The following SLC35F4 variants were observed in gnomAD, a reference collection of about 807,000 sequenced individuals.
SLC35F4 encodes chromosome 14 open reading frame 36.
SLC35F4 carries 24 observed loss-of-function variants against 44.2 expected under a neutral mutation model. The observed-to-expected ratio is 0.54, with a 90% CI of 0.39 to 0.76. SLC35F4 has a LOEUF of 0.76. SLC35F4 is among the 30% of genes least tolerant of loss of function. The pLI is 0.00. For synonymous variants in SLC35F4, 238 were observed against 223.6 expected, an observed-to-expected ratio of 1.06 and a Z score of -0.57; for missense variants, 562 against 586.1, an observed-to-expected ratio of 0.96 and a Z score of 0.42.
chr14:57,834,736 T>C (rs527519639), intron 1 of SLC35F4, among the ~76,000 whole-genome samples: 1 of 152,268 alleles, frequency 6.6e-6, no homozygotes, highest in African/African-American at 2.4e-5. Flanking sequence ...AGAACCAAAA[T>C]AGGCCGGGCA....
intron 1 of SLC35F4, among the ~76,000 whole-genome samples, chr14:57,760,790 T>G (rs193244520): frequency 6.6e-6 from 1 of 152,318 alleles, no homozygotes; most frequent in East Asian, 1.9e-4. Context: ...ATAAGCATTA[T>G]TTCCAGTACT....
intron 1 of SLC35F4, among the ~76,000 whole-genome samples, chr14:57,861,534 A>G (rs996874608): frequency 1.3e-5 from 2 of 152,220 alleles, no homozygotes; most frequent in African/African-American, 4.8e-5. Context: ...AAATCCTTGC[A>G]GAGTCATCTA....
At chr14:57,686,426 A>T (rs976078409) in intron 1 of SLC35F4, among the ~76,000 whole-genome samples, 1 of 152,250 alleles carries the variant, frequency 6.6e-6, no homozygotes, top group African/African-American at 2.4e-5. Context: ...CAAAAAATCA[A>T]ATTAGTGCAG....
intron 1 of SLC35F4, among the ~76,000 whole-genome samples, chr14:57,969,131 G>T (rs2070907186): frequency 1.3e-5 from 2 of 152,194 alleles, no homozygotes; most frequent in African/African-American, 4.8e-5. Flanking sequence ...TTACTGGGCT[G>T]GTTAGCAGCA....
intron 1 of SLC35F4, among the ~76,000 whole-genome samples, chr14:57,874,977 T>TAAATAAATAAAA (rs1888369431): frequency 6.6e-6 from 1 of 150,480 alleles, no homozygotes; most frequent in African/African-American, 2.5e-5. Context: ...GTGGAATAAA[T>TAAATAAATAAAA]AAATAAATAA....
At chr14:57,694,719 C>T (rs192416276) in intron 1 of SLC35F4, among the ~76,000 whole-genome samples, 91 of 152,110 alleles carry the variant, frequency 6.0e-4, no homozygotes, top group Admixed American at 1.4e-3. Flanking sequence ...TCTTGTCTCT[C>T]GATAATATTT....
Position 57,978,273 on chromosome 14 carries a change from C to G in SLC35F4, n.152-1316G>C, listed in dbSNP as rs906631034. On this transcript the variant is annotated intron_variant and non_coding_transcript_variant, in intron 1 of 1. Transcript: ENST00000554648. ...TCATCCCTTTCAGAGACAGGTCAACCACCTCATGGCATGGGACCACTTCTA... is the reference window on the plus strand; with the variant it reads ...TCATCCCTTTCAGAGACAGGTCAACGACCTCATGGCATGGGACCACTTCTA... Among the ~76,000 whole-genome samples the G allele has an allele frequency of 2.0e-5, 3 of 152,140 alleles. No homozygotes were observed. In the South Asian group the frequency reaches 6.2e-4, roughly 32 times the overall value.
intron 1 of SLC35F4, among the ~76,000 whole-genome samples, chr14:57,883,510 G>A (rs1374176148): frequency 6.6e-6 from 1 of 152,050 alleles, no homozygotes; most frequent in Non-Finnish European, 1.5e-5. Context: ...CTCTGGAATT[G>A]GGAAGGACTT....
chr14:57,706,050 C>A (rs1320947565), intron 1 of SLC35F4, among the ~76,000 whole-genome samples: 3 of 152,168 alleles, frequency 2.0e-5, no homozygotes, highest in Non-Finnish European at 4.4e-5. Context: ...TGCAATGAGT[C>A]TTTGTGCTTC....
At position 57,794,663 on chromosome 14, in the gene SLC35F4, T is replaced by C. The variant is rs1595081506; in HGVS notation, c.103+71060A>G. On this transcript the variant is annotated intron_variant, in intron 1 of 7. Transcript: ENST00000556826. ...CATTCTGTTCATTTTAATTCATGCT[T>C]TGGGTTTGAACTTCTTTTAGATTTC... Among the ~76,000 whole-genome samples, 3 of 152,220 alleles carry C rather than the reference T, an allele frequency of 2.0e-5. No individual in the cohort carries two copies. In the East Asian group the frequency reaches 5.8e-4, roughly 29 times the overall value.
At chr14:57,786,799 C>T (rs1339134408) in intron 1 of SLC35F4, among the ~76,000 whole-genome samples, 1 of 152,146 alleles carries the variant, frequency 6.6e-6, no homozygotes, top group Non-Finnish European at 1.5e-5. Context: ...CTGACAGAGC[C>T]TGCCCAAATG....
chr14:57,889,252 G>A (rs967146872), intron 1 of SLC35F4, among the ~76,000 whole-genome samples: 1 of 152,240 alleles, frequency 6.6e-6, no homozygotes, highest in Non-Finnish European at 1.5e-5. Context: ...CTGCCATGCG[G>A]TGCAGCAGCA....
intron 2 of SLC35F4, among the ~76,000 whole-genome samples, chr14:57,591,703 T>C (rs980353824): frequency 5.9e-5 from 9 of 152,308 alleles, no homozygotes; most frequent in African/African-American, 1.9e-4. Context: ...GCACTGCAAG[T>C]TTCAGACTAG....
rs72624727 is a variant in SLC35F4, at chr14:57,849,150, G to A, written c.103+16573C>T. On this transcript the variant is annotated intron_variant, in intron 1 of 7. Coordinates refer to ENST00000556826, the MANE Select transcript of SLC35F4 (RefSeq NM_001306087.2). ...CTCTAGAATATAAGCACATAAAAAAGAATCACAACATATCCAAGAATACTG... is the reference window on the plus strand; with the variant it reads ...CTCTAGAATATAAGCACATAAAAAAAAATCACAACATATCCAAGAATACTG... 0.022 allele frequency among the ~76,000 whole-genome samples: 3,333 copies of A among 152,092 alleles called. 434 individuals carry two copies. In the East Asian group the frequency reaches 0.39, roughly 18 times the overall value.
At chr14:57,699,396 C>A (rs143397390) in intron 1 of SLC35F4, among the ~76,000 whole-genome samples, 18 of 152,264 alleles carry the variant, frequency 1.2e-4, no homozygotes, top group African/African-American at 4.1e-4. Context: ...CATTTCCCCA[C>A]GTGAATAGCA....
chr14:57,579,254 A>T (rs1248577842), intron 4 of SLC35F4, among the ~76,000 whole-genome samples: 1 of 152,228 alleles, frequency 6.6e-6, no homozygotes, highest in East Asian at 1.9e-4. Flanking sequence ...GGGGATTAAG[A>T]TGTGGACAGA....
intron 1 of SLC35F4, among the ~76,000 whole-genome samples, chr14:57,603,201 G>A (rs577956460): frequency 2.0e-5 from 3 of 152,210 alleles, no homozygotes; most frequent in Admixed American, 2.0e-4. Context: ...CCACAAAATT[G>A]CATTAAAGTT....
At chr14:57,657,120 C>T (rs1594726114) in intron 1 of SLC35F4, among the ~76,000 whole-genome samples, 1 of 152,218 alleles carries the variant, frequency 6.6e-6, no homozygotes, top group African/African-American at 2.4e-5. Context: ...GACTCAAACG[C>T]CTTTTGTTTG....
At chr14:57,849,581 AT>A (rs1364038429) in intron 1 of SLC35F4, among the ~76,000 whole-genome samples, 1 of 152,258 alleles carries the variant, frequency 6.6e-6, no homozygotes, top group Non-Finnish European at 1.5e-5. Flanking sequence ...TATTCTATCC[AT>A]AAAACAAGAA....
Sources: allele counts gnomAD v4.1 joint callset (sites outside exome capture counted in the v4.1 genomes callset), GRCh38; gene constraint gnomAD v4.1.1; transcripts MANE v1.5; gene names NCBI Gene and HGNC (gene_info 2026-07-23, HGNC 2026-07-21).